CHSY3: variants seen among roughly 807,000 people sequenced by gnomAD.
CHSY3 encodes N-acetylgalactosaminyl-proteoglycan 3-beta-glucuronosyltransferase 3.
Under a neutral mutation model 67.2 loss-of-function variants are expected in CHSY3, and 35 were observed. That is an observed-to-expected ratio of 0.52 (90% CI 0.40 to 0.69). The LOEUF (loss-of-function observed/expected upper bound fraction) is 0.69. Among genes scored for constraint, CHSY3 ranks in the 30% least tolerant of loss-of-function variants. The pLI is 0.00. For missense variants in CHSY3, 1,069 were observed against 1,138.5 expected, an observed-to-expected ratio of 0.94 and a Z score of 0.88; for synonymous variants, 474 against 434.7, an observed-to-expected ratio of 1.09 and a Z score of -1.12.
chr5:129,999,328 T>C (rs2149637217), intron 2 of CHSY3, among the ~76,000 whole-genome samples: 1 of 152,278 alleles, frequency 6.6e-6, no homozygotes, highest in African/African-American at 2.4e-5. Context: ...TCATTGTTCC[T>C]TTTTATTTGC....
At chr5:129,951,391 CATG>C (rs1421574330) in intron 2 of CHSY3, among the ~76,000 whole-genome samples, 3 of 152,124 alleles carry the variant, frequency 2.0e-5, no homozygotes, top group Non-Finnish European at 4.4e-5. Context: ...AAAATAAACA[CATG>C]AGGCTACATC....
At chr5:129,991,413 A>T (rs981695046) in intron 2 of CHSY3, among the ~76,000 whole-genome samples, 1 of 152,192 alleles carries the variant, frequency 6.6e-6, no homozygotes, top group African/African-American at 2.4e-5. Context: ...GCTCTCTTTT[A>T]TACTAATTTA....
At chr5:130,164,628 G>A (rs1270977279) in intron 2 of CHSY3, among the ~76,000 whole-genome samples, 1 of 152,066 alleles carries the variant, frequency 6.6e-6, no homozygotes, top group Non-Finnish European at 1.5e-5. Context: ...TCCATTCATA[G>A]GCATGTGATG....
intron 2 of CHSY3, among the ~76,000 whole-genome samples, chr5:130,022,859 T>A (rs1347869824): frequency 6.6e-6 from 1 of 151,984 alleles, no homozygotes; most frequent in African/African-American, 2.4e-5. Context: ...CTTTTGTGTG[T>A]TCAGTTTTCT....
intron 2 of CHSY3, among the ~76,000 whole-genome samples, chr5:129,990,392 G>GTC (rs1440746860): frequency 6.6e-6 from 1 of 151,580 alleles, no homozygotes; most frequent in Non-Finnish European, 1.5e-5. Flanking sequence ...GTGTGTGTGT[G>GTC]TGTGTGTGTG....
At chr5:129,961,322 CTAT>C (rs1371914172) in intron 2 of CHSY3, among the ~76,000 whole-genome samples, 1 of 151,920 alleles carries the variant, frequency 6.6e-6, no homozygotes, top group African/African-American at 2.4e-5. Context: ...TCATATTGGC[CTAT>C]TATTTCTTAA....
At chr5:130,165,577 A>G (rs1769722115) in intron 2 of CHSY3, among the ~76,000 whole-genome samples, 1 of 151,990 alleles carries the variant, frequency 6.6e-6, no homozygotes, top group African/African-American at 2.4e-5. Flanking sequence ...TAGAAAAGGT[A>G]AATATTTACC....
At chr5:130,132,741 A>G (rs1768523683) in intron 2 of CHSY3, among the ~76,000 whole-genome samples, 1 of 152,128 alleles carries the variant, frequency 6.6e-6, no homozygotes, top group Admixed American at 6.6e-5. Flanking sequence ...ATGTCTAGAG[A>G]TATTTATTAT....
intron 2 of CHSY3, among the ~76,000 whole-genome samples, chr5:130,162,736 C>T (rs1561565116): frequency 2.0e-5 from 3 of 152,104 alleles, no homozygotes; most frequent in Non-Finnish European, 2.9e-5. Context: ...TCTCATTATG[C>T]TCTCTCCAAC....
intron 2 of CHSY3, among the ~76,000 whole-genome samples, chr5:130,157,139 C>T (rs1392214095): frequency 2.0e-5 from 3 of 152,162 alleles, no homozygotes; most frequent in Non-Finnish European, 4.4e-5. Flanking sequence ...CCATTGTTAT[C>T]AATGACTCAG....
At chr5:130,073,395 C>A (rs1766149476) in intron 2 of CHSY3, among the ~76,000 whole-genome samples, 1 of 151,924 alleles carries the variant, frequency 6.6e-6, no homozygotes. Flanking sequence ...TCAAGCGATT[C>A]TCCTGCCTCA....
At chr5:130,126,286 G>C (rs1768284851) in intron 2 of CHSY3, among the ~76,000 whole-genome samples, 1 of 147,234 alleles carries the variant, frequency 6.8e-6, no homozygotes, top group African/African-American at 2.5e-5. Context: ...GGTTACATAG[G>C]CTGAGTTAAA....
chr5:129,980,088 T>G (rs1762940019), intron 2 of CHSY3, among the ~76,000 whole-genome samples: 1 of 152,246 alleles, frequency 6.6e-6, no homozygotes, highest in Admixed American at 6.5e-5. Context: ...ACATACGTTT[T>G]TAACTCCATA....
At chr5:130,168,995 T>C (rs1769825098) in intron 2 of CHSY3, among the ~76,000 whole-genome samples, 1 of 152,114 alleles carries the variant, frequency 6.6e-6, no homozygotes, top group Non-Finnish European at 1.5e-5. Context: ...TGAATAAATA[T>C]AGCTGCGAGT....
At chr5:130,087,105 A>C (rs1324835757) in intron 2 of CHSY3, among the ~76,000 whole-genome samples, 4 of 152,208 alleles carry the variant, frequency 2.6e-5, no homozygotes, top group African/African-American at 9.6e-5. Context: ...AAACAGAACC[A>C]AAGACAAAAA....
At chr5:130,105,235 T>G (rs937334127) in intron 2 of CHSY3, among the ~76,000 whole-genome samples, 1 of 151,682 alleles carries the variant, frequency 6.6e-6, no homozygotes, top group African/African-American at 2.4e-5. Context: ...TGAAAATAAT[T>G]TGGACACAAG....
intron 2 of CHSY3, among the ~76,000 whole-genome samples, chr5:130,135,750 G>T (rs1223459960): frequency 6.6e-6 from 1 of 152,156 alleles, no homozygotes; most frequent in Non-Finnish European, 1.5e-5. Context: ...GTGTGTCTCA[G>T]TGGGGACCAT....
At chr5:129,916,720 C>A (rs944324127) in intron 2 of CHSY3, among the ~76,000 whole-genome samples, 2 of 152,162 alleles carry the variant, frequency 1.3e-5, no homozygotes, top group African/African-American at 4.8e-5. Context: ...TTTATTTGCT[C>A]AAATGTATTT....
chr5:130,142,170 G>A (rs1164477884), intron 2 of CHSY3, among the ~76,000 whole-genome samples: 1 of 152,130 alleles, frequency 6.6e-6, no homozygotes, highest in Non-Finnish European at 1.5e-5. Context: ...TTAAACAATT[G>A]TATTTAAAAT....
Sources: allele counts gnomAD v4.1 joint callset (sites outside exome capture counted in the v4.1 genomes callset), GRCh38; gene constraint gnomAD v4.1.1; transcripts MANE v1.5; gene names NCBI Gene and HGNC (gene_info 2026-07-23, HGNC 2026-07-21).